CCDC88A: variants seen among roughly 807,000 people sequenced by gnomAD.
The protein encoded by CCDC88A is girdin.
Under a neutral mutation model 234.3 loss-of-function variants are expected in CCDC88A, and 54 were observed. That is an observed-to-expected ratio of 0.23 (90% CI 0.19 to 0.29). CCDC88A has a LOEUF of 0.29. Ranked by LOEUF, CCDC88A falls within the 10% of genes least tolerant of loss-of-function variation. CCDC88A has a pLI of 1.00. For synonymous variants in CCDC88A, 753 were observed against 737.8 expected (o/e 1.02, Z -0.33); for missense variants, 1,832 against 2,123.4 (o/e 0.86, Z 2.70).
intron 9 of CCDC88A, among the ~76,000 whole-genome samples, chr2:55,347,817 G>T (rs1281725370): frequency 6.6e-6 from 1 of 151,878 alleles, no homozygotes; most frequent in African/African-American, 2.4e-5. Flanking sequence ...TCGCCATGTT[G>T]CCCAGGCTGG....
intron 2 of CCDC88A, among the ~76,000 whole-genome samples, chr2:55,394,848 GTTTTTGTTTTTT>G (rs1677268920): frequency 6.6e-6 from 1 of 151,328 alleles, no homozygotes; most frequent in Non-Finnish European, 1.5e-5. Flanking sequence ...TTTTGTTTTT[GTTTTTGTTTTTT>G]TTTGAGATGG....
rs1376061755 is a variant in CCDC88A, at chr2:55,384,541, G to GTA, written c.273+4235_273+4236dup. The stretch of plus-strand genomic sequence containing the variant: ...AAATTATATATATATACATATATAC[G>GTA]TATATATGTGTATATATACACATAT... On this transcript the variant is annotated intron_variant, in intron 3 of 32. Transcript: ENST00000436346. Among the ~76,000 whole-genome samples, 6 of 29,512 alleles carry GTA rather than the reference G, an allele frequency of 2.0e-4. 1 individual carries two copies. Among genetic ancestry groups the GTA allele is most frequent in the South Asian group, 9.3e-4 (1 of 1,074 alleles). 19.4% of individuals were successfully genotyped at this position (29,512 alleles called of 152,430 possible). A position where few individuals can be genotyped will look rare whatever the true frequency, so the allele number is the denominator to read the frequency against.
intron 10 of CCDC88A, chr2:55,345,808 T>C (rs3791642): frequency 0.39 from 61,134 of 158,456 alleles, 13,315 homozygotes; most frequent in African/African-American, 0.58. Context: ...TTAATCTTAA[T>C]TTAGTGATCT....
chr2:55,343,836 C>T, intron 11 of CCDC88A, 44 bp from the exon 12 acceptor site: 1 of 1,490,534 alleles, frequency 6.7e-7, no homozygotes, highest in Non-Finnish European at 9.1e-7. Context: ...AGCTAAGAAA[C>T]AGTACAATTT....
intron 5 of CCDC88A, among the ~76,000 whole-genome samples, chr2:55,369,313 G>A (rs1261231605): frequency 2.0e-5 from 3 of 152,064 alleles, no homozygotes; most frequent in Non-Finnish European, 4.4e-5. Flanking sequence ...GATTACAGGT[G>A]TGAGCCACCA....
intron 9 of CCDC88A, chr2:55,349,257 C>CA (rs916396559): frequency 2.6e-6 from 1 of 386,932 alleles, no homozygotes; most frequent in African/African-American, 2.1e-5. Context: ...CCAAACACAT[C>CA]AAAAAGAAAA....
chr2:55,291,915 A>G, intron 31 of CCDC88A, 140 bp from the exon 32 acceptor site: 1 of 524,860 alleles, frequency 1.9e-6, no homozygotes, highest in Non-Finnish European at 3.4e-6. Flanking sequence ...TCTCATAGGC[A>G]TCTCAATACT....
intron 29 of CCDC88A, chr2:55,297,018 A>G (rs1680116274): frequency 6.6e-6 from 1 of 151,796 alleles, no homozygotes; most frequent in East Asian, 2.0e-4. Flanking sequence ...CCCCGTCTCT[A>G]CTAAAAATAC....
At chr2:55,414,722 T>C (rs1302981717) in intron 2 of CCDC88A, among the ~76,000 whole-genome samples, 1 of 151,852 alleles carries the variant, frequency 6.6e-6, no homozygotes, top group Non-Finnish European at 1.5e-5. Flanking sequence ...GTCATTAAAT[T>C]AATCAATTTT....
At chr2:55,389,612 G>A (rs1676257109) in intron 2 of CCDC88A, among the ~76,000 whole-genome samples, 1 of 152,160 alleles carries the variant, frequency 6.6e-6, no homozygotes, top group Non-Finnish European at 1.5e-5. Context: ...TCCCTAAACA[G>A]ATTAGAATCT....
Position 55,332,362 on chromosome 2 carries a change from T to A in CCDC88A, c.2855+204A>T. On this transcript the variant is annotated intron_variant, in intron 16 of 32. Coordinates refer to ENST00000436346, the MANE Select transcript of CCDC88A (RefSeq NM_001365480.1). This position sits in a 1 kb window ranked among gnomAD's most constrained non-coding sequence, Gnocchi z 4.5. ...ATCTCGAACTCCCGACCTCAGGTGATCCGCCCGCTTCAGCCTCCCAAAGTG... is the reference window on the plus strand; with the variant it reads ...ATCTCGAACTCCCGACCTCAGGTGAACCGCCCGCTTCAGCCTCCCAAAGTG... 1.4e-6 allele frequency: 1 copy of A among 701,384 alleles called. No individual in the cohort carries two copies. The highest frequency in any genetic ancestry group is 1.9e-6 in the Non-Finnish European group (1 of 528,634). The allele number at this position is 701,384 out of a possible 1,614,324, so 43.4% of individuals were successfully genotyped here.
chr2:55,313,909 A>C (rs1454959314), intron 22 of CCDC88A: 1 of 152,214 alleles, frequency 6.6e-6, no homozygotes, highest in African/African-American at 2.4e-5. Flanking sequence ...TGGTAGATTC[A>C]TTAAAAAACT....
chr2:55,305,019 T>G (rs1681377009), intron 25 of CCDC88A, among the ~76,000 whole-genome samples: 1 of 152,216 alleles, frequency 6.6e-6, no homozygotes, highest in African/African-American at 2.4e-5. Flanking sequence ...CATAATTCAT[T>G]TAAGCTTTTA....
intron 5 of CCDC88A, among the ~76,000 whole-genome samples, chr2:55,371,746 A>G (rs1672875901): frequency 6.6e-6 from 1 of 151,452 alleles, no homozygotes; most frequent in Non-Finnish European, 1.5e-5. Flanking sequence ...TTAGCCTCTC[A>G]AAGTGTTGGG....
At chr2:55,395,430 A>G (rs148707139) in intron 2 of CCDC88A, among the ~76,000 whole-genome samples, 79 of 152,334 alleles carry the variant, frequency 5.2e-4, no homozygotes, top group African/African-American at 1.8e-3. Context: ...TTATTGGTAT[A>G]TAACTCTGTC....
chr2:55,308,536 G>T, intron 25 of CCDC88A: 1 of 352,736 alleles, frequency 2.8e-6, no homozygotes, highest in South Asian at 4.1e-5. Context: ...CATATTAACA[G>T]AAATAGCAAG....
chr2:55,363,964 C>T lies in CCDC88A; in HGVS notation c.472G>A (p.Ala158Thr), dbSNP rs779341249. The change falls in exon 6 of 33, where the codon GCA becomes ACA. Residue 158 changes from alanine to threonine, a missense_variant. By Grantham distance (58) the Ala-to-Thr change is moderately conservative (BLOSUM62 0). Around this residue, in one of 6 missense-constraint regions of CCDC88A, gnomAD observed 1,282 missense variants for 1,543.6 expected, o/e 0.83. Coordinates refer to ENST00000436346, the MANE Select transcript of CCDC88A (RefSeq NM_001365480.1). Reference protein sequence around the residue: ...LDFDTKAAVAAHIQEVTHNQE... With the variant: ...LDFDTKAAVATHIQEVTHNQE... The stretch of plus-strand genomic sequence containing the variant: ...TATGTCATTACCTCTTGAATATGTG[C>T]GGCAACCGCTGCTTTTGTATCAAAA... 2.4e-5 allele frequency: 38 copies of T among 1,590,560 alleles called. No homozygotes were observed. Among genetic ancestry groups the T allele is most frequent in the Admixed American group, 3.4e-5 (2 of 59,110 alleles).
intron 2 of CCDC88A, among the ~76,000 whole-genome samples, chr2:55,390,470 T>A (rs1354526430): frequency 6.6e-6 from 1 of 152,140 alleles, no homozygotes; most frequent in African/African-American, 2.4e-5. Context: ...CCACTTACGC[T>A]GAGATTACTC....
intron 8 of CCDC88A, 110 bp downstream of exon 8, chr2:55,355,469 T>C: frequency 1.1e-6 from 1 of 909,306 alleles, no homozygotes; most frequent in South Asian, 1.4e-5. Flanking sequence ...TCTCATTTAC[T>C]TGTGAAAACA....
Sources: gnomAD v4.1 joint callset for allele counts (sites outside exome capture counted in the v4.1 genomes callset) on GRCh38, gnomAD v4.1.1 for gene constraint, gnomAD v4.1.1 regional missense constraint, Gnocchi (gnomAD v3.1) non-coding constraint, MANE v1.5 for transcripts, NCBI Gene and HGNC (gene_info 2026-07-23, HGNC 2026-07-21) for gene names.